ADIPOR2: variants seen among roughly 807,000 people sequenced by gnomAD.
The protein encoded by ADIPOR2 is adiponectin receptor protein 2.
A neutral mutation model predicts 40.9 loss-of-function variants in ADIPOR2; 18 were observed. That is an observed-to-expected ratio of 0.44 (90% CI 0.30 to 0.65). The LOEUF is 0.65. ADIPOR2 is among the 30% of genes least tolerant of loss of function. ADIPOR2 has a pLI of 0.09. For synonymous variants in ADIPOR2, 165 were observed against 166.4 expected, an observed-to-expected ratio of 0.99 and a Z score of 0.06; for missense variants, 283 against 479.2, an observed-to-expected ratio of 0.59 and a Z score of 3.82.
intron 1 of ADIPOR2, among the ~76,000 whole-genome samples, chr12:1,708,185 G>GT (rs1209656960): frequency 9.5e-5 from 12 of 126,654 alleles, no homozygotes; most frequent in South Asian, 7.8e-4. Context: ...TGCAAATATG[G>GT]GTTTTTTTTT....
chr12:1,694,807 T>C (rs1183054693), intron 1 of ADIPOR2, among the ~76,000 whole-genome samples: 1 of 152,006 alleles, frequency 6.6e-6, no homozygotes, highest in Non-Finnish European at 1.5e-5. Context: ...AATTTAAAAA[T>C]TACACTTTTT....
At position 1,780,869 on chromosome 12, in the gene ADIPOR2, ATTTT is replaced by A; in HGVS notation, c.651-13_651-10del. 2 of 1,478,420 alleles carry A rather than the reference ATTTT, an allele frequency of 1.4e-6. No homozygotes were observed. The highest frequency in any genetic ancestry group is 1.8e-6 in the Non-Finnish European group (2 of 1,096,076). 91.6% of individuals were successfully genotyped at this position (1,478,420 alleles called of 1,614,324 possible). ...GTTTTTAAATTACTGCATTAAATGG[ATTTT>A]TTTTTTCTGTCATAGACTGGATTAC... On this transcript the variant is annotated splice_polypyrimidine_tract_variant and intron_variant, in intron 5 of 7. Coordinates refer to ENST00000357103, the MANE Select transcript of ADIPOR2 (RefSeq NM_024551.3).
intron 4 of ADIPOR2, among the ~76,000 whole-genome samples, chr12:1,779,528 G>A (rs1053995511): frequency 4.0e-5 from 6 of 150,074 alleles, no homozygotes; most frequent in South Asian, 2.1e-4. Flanking sequence ...GGGAATGGGG[G>A]ATGACAGCAG....
At chr12:1,703,708 C>G (rs11612238) in intron 1 of ADIPOR2, among the ~76,000 whole-genome samples, 6,796 of 151,914 alleles carry the variant, frequency 0.045, 250 homozygotes, top group East Asian at 0.18. Context: ...CAGAGTGAAA[C>G]TCTGTCTCAC....
chr12:1,782,628 A>G (rs1463420830), intron 6 of ADIPOR2, among the ~76,000 whole-genome samples: 1 of 152,242 alleles, frequency 6.6e-6, no homozygotes, highest in Non-Finnish European at 1.5e-5. Flanking sequence ...TCCTCCACGT[A>G]TGTTACAGTC....
chr12:1,722,367 G>C (rs905338388), intron 1 of ADIPOR2, among the ~76,000 whole-genome samples: 2 of 152,142 alleles, frequency 1.3e-5, no homozygotes, highest in African/African-American at 2.4e-5. Context: ...TGTTAAGTTT[G>C]AGGTGCCAAT....
chr12:1,731,059 C>T (rs1052157415), intron 1 of ADIPOR2: 1 of 152,038 alleles, frequency 6.6e-6, no homozygotes, highest in African/African-American at 2.4e-5. Context: ...ATTTCAGATT[C>T]CTTATTTTAT....
chr12:1,745,591 A>G (rs1442250792), intron 1 of ADIPOR2, among the ~76,000 whole-genome samples: 2 of 152,196 alleles, frequency 1.3e-5, no homozygotes, highest in Non-Finnish European at 2.9e-5. Flanking sequence ...CTTCATCTTC[A>G]ATATCATCTT....
intron 1 of ADIPOR2, among the ~76,000 whole-genome samples, chr12:1,746,240 C>G (rs2094754691): frequency 6.6e-6 from 1 of 152,268 alleles, no homozygotes; most frequent in East Asian, 1.9e-4. Flanking sequence ...ACTTAAGAGG[C>G]TGGGTGTGGT....
intron 1 of ADIPOR2, among the ~76,000 whole-genome samples, chr12:1,746,544 A>C (rs564641084): frequency 6.6e-6 from 1 of 152,288 alleles, no homozygotes; most frequent in South Asian, 2.1e-4. Context: ...AAGAGCATTA[A>C]ATAGAAGAGT....
chr12:1,766,400 G>A (rs1862381341), intron 2 of ADIPOR2, among the ~76,000 whole-genome samples: 1 of 152,210 alleles, frequency 6.6e-6, no homozygotes, highest in Non-Finnish European at 1.5e-5. Flanking sequence ...GTGGTAGTAA[G>A]TAAGACAAGA....
chr12:1,765,210 T>A (rs556005529), intron 2 of ADIPOR2, among the ~76,000 whole-genome samples: 1 of 152,304 alleles, frequency 6.6e-6, no homozygotes, highest in South Asian at 2.1e-4. Flanking sequence ...CTTAAGTGAA[T>A]TTGTATTTTG....
chr12:1,730,625 A>C (rs1431565805), intron 1 of ADIPOR2: 1 of 136,480 alleles, frequency 7.3e-6, no homozygotes, highest in East Asian at 2.4e-4. Context: ...TCAAAAAAAA[A>C]AAACAAAAAA....
At chr12:1,714,417 T>C (rs2154441855) in intron 1 of ADIPOR2, among the ~76,000 whole-genome samples, 1 of 152,252 alleles carries the variant, frequency 6.6e-6, no homozygotes, top group African/African-American at 2.4e-5. Context: ...TGCAGCTGAC[T>C]GGGTAATAAA....
chr12:1,757,862 T>A (rs1485541395), intron 2 of ADIPOR2: 2 of 823,410 alleles, frequency 2.4e-6, no homozygotes, highest in Non-Finnish European at 4.3e-6. Flanking sequence ...CTTACTTAAG[T>A]CTGTTCCTTA....
At chr12:1,716,280 G>A (rs750854835) in intron 1 of ADIPOR2, among the ~76,000 whole-genome samples, 8 of 152,186 alleles carry the variant, frequency 5.3e-5, no homozygotes, top group Non-Finnish European at 8.8e-5. Context: ...ATTAAAAATG[G>A]GATGAAATTG....
intron 3 of ADIPOR2, among the ~76,000 whole-genome samples, chr12:1,776,929 C>G (rs1862607223): frequency 6.6e-6 from 1 of 152,154 alleles, no homozygotes; most frequent in African/African-American, 2.4e-5. Context: ...AACTGAAGCG[C>G]TATTTTACAA....
At chr12:1,711,200 T>C (rs1050639527) in intron 1 of ADIPOR2, among the ~76,000 whole-genome samples, 1 of 152,104 alleles carries the variant, frequency 6.6e-6, no homozygotes, top group African/African-American at 2.4e-5. Context: ...CTATCTGGGA[T>C]TGTAGAGGAA....
chr12:1,771,220 G>A (rs1285448485), intron 2 of ADIPOR2, among the ~76,000 whole-genome samples: 5 of 151,970 alleles, frequency 3.3e-5, no homozygotes, highest in African/African-American at 1.2e-4. Flanking sequence ...GCACACACAC[G>A]TGCGCACAGT....
Sources: gnomAD v4.1 joint callset for allele counts (sites outside exome capture counted in the v4.1 genomes callset) on GRCh38, gnomAD v4.1.1 for gene constraint, MANE v1.5 for transcripts, NCBI Gene and HGNC (gene_info 2026-07-23, HGNC 2026-07-21) for gene names.